The following RECK variants were observed in gnomAD, a reference collection of about 807,000 sequenced individuals.
RECK encodes reversion-inducing cysteine-rich protein with Kazal motifs.
In RECK, 69 loss-of-function variants were observed where a neutral mutation model predicts 115.1. The observed-to-expected ratio is 0.60, with a 90% CI of 0.49 to 0.73. The LOEUF (loss-of-function observed/expected upper bound fraction) is 0.73, where lower values mean the gene tolerates loss of function less well. Among genes scored for constraint, RECK ranks in the 30% least tolerant of loss-of-function variants. The pLI is 0.00. For synonymous variants in RECK, 414 were observed against 419.7 expected (o/e 0.99, Z 0.17); for missense variants, 1,047 against 1,203.7 (o/e 0.87, Z 1.93).
intron 6 of RECK, among the ~76,000 whole-genome samples, chr9:36,078,059 A>C (rs1822523893): frequency 6.6e-6 from 1 of 152,262 alleles, no homozygotes; most frequent in South Asian, 2.1e-4. Context: ...GTAAATGAAA[A>C]AAATAATTAA....
At chr9:36,072,938 C>T (rs1057439225) in intron 6 of RECK, among the ~76,000 whole-genome samples, 4 of 151,984 alleles carry the variant, frequency 2.6e-5, no homozygotes, top group Admixed American at 6.6e-5. Context: ...GATTAGATTG[C>T]GACCTGGTCT....
chr9:36,058,827 A>G lies in RECK; in HGVS notation c.160A>G (p.Ile54Val). ...AAACTTTTTTTTTTTTGTCAAATAG[A>G]TTTTCTCCTCAAAAAGTGAATCCCG... ...NQMCRDVCEQ[I>V]FSSKSESRLK... Residue 54 changes from isoleucine to valine, a missense_variant and splice_region_variant, in exon 3 of 21, where the codon ATT (isoleucine) becomes GTT (valine). Transcript: ENST00000377966. 1 of 1,580,674 alleles carries G rather than the reference A, an allele frequency of 6.3e-7. No individual in the cohort carries two copies.
chr9:36,083,750 T>C (rs983612403), intron 8 of RECK, among the ~76,000 whole-genome samples, 188 bp downstream of exon 8: 2 of 152,032 alleles, frequency 1.3e-5, no homozygotes, highest in Non-Finnish European at 2.9e-5. Context: ...GATGAAACTG[T>C]AGAGGGTATG....
At chr9:36,100,255 A>C in intron 10 of RECK, 76 bp from the exon 11 acceptor site, 1 of 1,183,396 alleles carries the variant, frequency 8.5e-7, no homozygotes, top group East Asian at 2.5e-5. Context: ...ATGCATTAGT[A>C]TGTCAGGATT....
chr9:36,058,291 G>A (rs1821612413), intron 2 of RECK, among the ~76,000 whole-genome samples: 1 of 150,468 alleles, frequency 6.6e-6, no homozygotes, highest in African/African-American at 2.4e-5. Flanking sequence ...AGAAAATGTG[G>A]CACATATACA....
Position 36,122,880 on chromosome 9 carries a change from C to T in RECK, c.2751C>T (p.Ser917=), listed in dbSNP as rs1270779943. ...TTGAGTCCCTTATCAACTCTGACAG[C>T]CCGACTTTGGCGTCCCATGTCCCTC... ...EKIESLINSD[S]PTLASHVPLS... The change falls in exon 21 of 21, where the codon AGC becomes AGT. Residue 917 remains serine (S), a synonymous_variant. Coordinates refer to ENST00000377966, the MANE Select transcript of RECK (RefSeq NM_021111.3). 6 of 1,614,090 alleles carry T rather than the reference C, an allele frequency of 3.7e-6. No individual in the cohort carries two copies. The highest frequency in any genetic ancestry group is 2.2e-5 in the East Asian group (1 of 44,902).
chr9:36,107,954 C>T (rs755875795), intron 13 of RECK, 22 bp from the exon 14 acceptor site: 2 of 1,585,170 alleles, frequency 1.3e-6, no homozygotes, highest in East Asian at 2.2e-5. Context: ...CCATCTCTCT[C>T]AGCTAATTTT....
At chr9:36,088,195 T>C (rs1472251247) in intron 9 of RECK, among the ~76,000 whole-genome samples, 2 of 152,220 alleles carry the variant, frequency 1.3e-5, no homozygotes, top group African/African-American at 2.4e-5. Flanking sequence ...AGGATTAGCA[T>C]TGGCAGGGTA....
chr9:36,099,490 TA>T (rs760943864), intron 10 of RECK, among the ~76,000 whole-genome samples: 1 of 152,206 alleles, frequency 6.6e-6, no homozygotes, highest in East Asian at 1.9e-4. Flanking sequence ...TAATTTTAAA[TA>T]ACTTGATAAC....
At chr9:36,078,066 T>C (rs2132616034) in intron 6 of RECK, among the ~76,000 whole-genome samples, 1 of 152,314 alleles carries the variant, frequency 6.6e-6, no homozygotes, top group Non-Finnish European at 1.5e-5. Flanking sequence ...AAAAAAATAA[T>C]TAAAATTTTA....
At chr9:36,068,644 G>C (rs572734147) in intron 6 of RECK, among the ~76,000 whole-genome samples, 3 of 152,184 alleles carry the variant, frequency 2.0e-5, no homozygotes, top group Non-Finnish European at 4.4e-5. Context: ...GTAGCTTCAC[G>C]AGGCTCAGAA....
At chr9:36,070,730 G>C (rs10972717) in intron 6 of RECK, among the ~76,000 whole-genome samples, 2 of 152,150 alleles carry the variant, frequency 1.3e-5, no homozygotes, top group Non-Finnish European at 2.9e-5. Flanking sequence ...TTCCAACTCT[G>C]TAGCTCTCTT....
Position 36,110,095 on chromosome 9 carries a change from C to G in RECK, c.1888+16C>G, listed in dbSNP as rs780719277. 4 of 1,591,266 alleles carry G rather than the reference C, an allele frequency of 2.5e-6. No homozygotes were observed. In the South Asian group the frequency reaches 4.4e-5, roughly 18 times the overall value. Reference sequence around the variant, plus strand: ...ACCTTCACAGGTGACTGTGATCGCCCAGAGTCTGTCCTCAGGGGCCATCAT... The same window carrying G: ...ACCTTCACAGGTGACTGTGATCGCCGAGAGTCTGTCCTCAGGGGCCATCAT... On this transcript the variant is annotated intron_variant, in intron 15 of 20. Coordinates refer to ENST00000377966, the MANE Select transcript of RECK (RefSeq NM_021111.3).
intron 1 of RECK, among the ~76,000 whole-genome samples, chr9:36,048,568 TA>T (rs1314902790): frequency 8.5e-4 from 130 of 152,298 alleles, no homozygotes; most frequent in African/African-American, 3.0e-3. Flanking sequence ...TTTTCAGATC[TA>T]ATCACTATTT....
chr9:36,067,575 C>T (rs926634568), intron 6 of RECK, among the ~76,000 whole-genome samples: 8 of 152,014 alleles, frequency 5.3e-5, no homozygotes, highest in Non-Finnish European at 1.2e-4. Context: ...TAAGATAAAC[C>T]AGTTTAATAT....
chr9:36,070,811 G>C (rs1015705281), intron 6 of RECK, among the ~76,000 whole-genome samples: 5 of 152,168 alleles, frequency 3.3e-5, no homozygotes, highest in Non-Finnish European at 2.9e-5. Flanking sequence ...AATCACACTT[G>C]TTTTGATTGT....
chr9:36,095,728 G>A (rs926063630), intron 10 of RECK, among the ~76,000 whole-genome samples: 1 of 151,842 alleles, frequency 6.6e-6, no homozygotes, highest in African/African-American at 2.4e-5. Flanking sequence ...CCTGAGCTCA[G>A]GAGTTTGAGA....
chr9:36,082,555 TCTC>T (rs1822765643), intron 7 of RECK, among the ~76,000 whole-genome samples: 1 of 152,116 alleles, frequency 6.6e-6, no homozygotes, highest in Non-Finnish European at 1.5e-5. Context: ...TTCTTGTTCT[TCTC>T]CTTTACAGAT....
intron 17 of RECK, 141 bp from the exon 18 acceptor site, chr9:36,118,616 C>T: frequency 4.0e-6 from 3 of 744,704 alleles, no homozygotes; most frequent in South Asian, 1.8e-5. Context: ...ATTTAGCCCA[C>T]CTCAGGAACT....
Sources: gnomAD v4.1 joint callset for allele counts (sites outside exome capture counted in the v4.1 genomes callset) on GRCh38, gnomAD v4.1.1 for gene constraint, MANE v1.5 for transcripts, NCBI Gene and HGNC (gene_info 2026-07-23, HGNC 2026-07-21) for gene names.